The following CEP70 variants were observed in gnomAD, a reference collection of about 807,000 sequenced individuals.
CEP70 encodes the protein centrosomal protein 70.
A neutral mutation model predicts 90.9 loss-of-function variants in CEP70; 70 were observed. The ratio of observed to expected loss-of-function variants is 0.77; its 90% CI spans 0.64 to 0.94. CEP70 has a LOEUF of 0.94. Among genes scored for constraint, CEP70 ranks in the 40% least tolerant of loss-of-function variants. The pLI, the probability that CEP70 is intolerant of heterozygous loss-of-function variation, is 0.00. For synonymous variants in CEP70, 220 were observed against 228.3 expected (o/e 0.96, Z 0.33); for missense variants, 648 against 669.0 (o/e 0.97, Z 0.35).
intron 2 of CEP70, among the ~76,000 whole-genome samples, chr3:138,591,061 T>C (rs1576976126): frequency 1.3e-5 from 2 of 152,156 alleles, no homozygotes; most frequent in Non-Finnish European, 2.9e-5. Context: ...GTAAAGGAAA[T>C]GCTAACCTAA....
intron 6 of CEP70, among the ~76,000 whole-genome samples, chr3:138,545,082 A>G (rs1290027462): frequency 6.6e-6 from 1 of 152,226 alleles, no homozygotes; most frequent in Non-Finnish European, 1.5e-5. Context: ...CAACATAAAA[A>G]AATATAAATA....
At chr3:138,497,105 T>C (rs1447062229) in intron 17 of CEP70, 19 of 1,054,674 alleles carry the variant, frequency 1.8e-5, no homozygotes, top group Middle Eastern at 4.1e-4. Flanking sequence ...TCACTTGCTG[T>C]GATCTTTTTA....
chr3:138,550,449 C>T (rs572021787), intron 6 of CEP70, among the ~76,000 whole-genome samples: 10 of 152,256 alleles, frequency 6.6e-5, no homozygotes, highest in Admixed American at 3.3e-4. Context: ...CTGCAACCTC[C>T]GCCTCCCAGG....
intron 13 of CEP70, among the ~76,000 whole-genome samples, chr3:138,501,964 C>T (rs1317603784): frequency 6.6e-6 from 1 of 152,116 alleles, no homozygotes; most frequent in African/African-American, 2.4e-5. Flanking sequence ...CAAAATACTT[C>T]TAGGCCCAAG....
chr3:138,542,853 T>TA (rs1166050055), intron 6 of CEP70, among the ~76,000 whole-genome samples: 3 of 152,210 alleles, frequency 2.0e-5, no homozygotes, highest in African/African-American at 4.8e-5. Flanking sequence ...GGAGAAGCCT[T>TA]ATTGAGTGAC....
At chr3:138,556,617 C>A (rs144639838) in intron 6 of CEP70, among the ~76,000 whole-genome samples, 3 of 151,392 alleles carry the variant, frequency 2.0e-5, no homozygotes, top group Non-Finnish European at 4.4e-5. Context: ...AAGCATCGTC[C>A]GGGTTGAGAA....
intron 13 of CEP70, among the ~76,000 whole-genome samples, chr3:138,503,394 C>A (rs1360450144): frequency 1.3e-5 from 2 of 152,042 alleles, no homozygotes; most frequent in Non-Finnish European, 2.9e-5. Context: ...TATGTATATA[C>A]CACATTTTGC....
In CEP70 at chr3:138,577,397, C is replaced by A. The variant is rs569819108; in HGVS notation, c.-5-4465G>T. On this transcript the variant is annotated intron_variant, in intron 2 of 17. Coordinates refer to ENST00000264982, the MANE Select transcript of CEP70 (RefSeq NM_024491.4). ...GGCACAATGGCTCATGCCTCTAATCCCAGCACTTTGGGAGGCCAAGGCGGG... is the reference window on the plus strand; with the variant it reads ...GGCACAATGGCTCATGCCTCTAATCACAGCACTTTGGGAGGCCAAGGCGGG... 2.6e-5 allele frequency among the ~76,000 whole-genome samples: 4 copies of A among 152,164 alleles called. No homozygotes were observed. In the South Asian group the frequency reaches 8.3e-4, roughly 32 times the overall value.
intron 6 of CEP70, among the ~76,000 whole-genome samples, chr3:138,540,543 A>G (rs1319400723): frequency 2.0e-5 from 3 of 151,940 alleles, no homozygotes; most frequent in Non-Finnish European, 4.4e-5. Flanking sequence ...CAAAACCACA[A>G]TGAGATACCA....
rs144958660 is a variant in CEP70 at position 138,554,868 on chromosome 3, G to A, written c.465+15450C>T. ...TTTCCCACTCTGTGGGTTGTTTGCT[G>A]ACTGTTCCTTTTGCTGTGCAAATGG... On this transcript the variant is annotated intron_variant, in intron 6 of 17. Transcript: ENST00000264982. Among the ~76,000 whole-genome samples, 161 of 152,286 alleles carry A rather than the reference G, an allele frequency of 1.1e-3. 1 individual carries two copies. The highest frequency in any genetic ancestry group is 3.6e-3 in the African/African-American group (151 of 41,564).
intron 12 of CEP70, among the ~76,000 whole-genome samples, chr3:138,507,416 AACTG>A (rs1261945931): frequency 2.0e-5 from 3 of 152,198 alleles, no homozygotes; most frequent in Non-Finnish European, 2.9e-5. Context: ...TAATTTGAAA[AACTG>A]TTCATCCAGA....
chr3:138,557,809 A>T (rs1400268386), intron 6 of CEP70, among the ~76,000 whole-genome samples: 2 of 152,166 alleles, frequency 1.3e-5, no homozygotes, highest in East Asian at 3.8e-4. Flanking sequence ...GAAATAAAAA[A>T]TTTTTAAAAA....
At chr3:138,593,312 T>C (rs2042479382) in intron 1 of CEP70, among the ~76,000 whole-genome samples, 1 of 152,134 alleles carries the variant, frequency 6.6e-6, no homozygotes, top group South Asian at 2.1e-4. Flanking sequence ...AACCTCCGCC[T>C]CCCGAGTTCA....
At chr3:138,515,817 T>C (rs990981528) in intron 11 of CEP70, among the ~76,000 whole-genome samples, 2 of 152,228 alleles carry the variant, frequency 1.3e-5, no homozygotes, top group African/African-American at 4.8e-5. Context: ...ATTCTCATTA[T>C]TGCCTTCTCT....
chr3:138,504,865 G>A (rs767822454), intron 13 of CEP70, among the ~76,000 whole-genome samples: 1 of 152,000 alleles, frequency 6.6e-6, no homozygotes, highest in African/African-American at 2.4e-5. Context: ...TGAAGAGAGA[G>A]AAAATATCCC....
At chr3:138,527,425 G>A (rs969516396) in intron 10 of CEP70, among the ~76,000 whole-genome samples, 14 of 151,794 alleles carry the variant, frequency 9.2e-5, no homozygotes, top group Admixed American at 2.6e-4. Context: ...GGCCGGGCAC[G>A]GTGGCTCACG....
At chr3:138,537,803 G>T (rs2038412234) in intron 6 of CEP70, among the ~76,000 whole-genome samples, 1 of 152,046 alleles carries the variant, frequency 6.6e-6, no homozygotes, top group African/African-American at 2.4e-5. Context: ...AATAATCAGG[G>T]AGAAAGACAT....
intron 2 of CEP70, among the ~76,000 whole-genome samples, chr3:138,584,018 T>C (rs1220769447): frequency 2.0e-5 from 3 of 151,640 alleles, no homozygotes; most frequent in Non-Finnish European, 2.9e-5. Flanking sequence ...TGTAGAAAAC[T>C]GATAAACCCT....
At chr3:138,496,774 T>A (rs935639097) in intron 17 of CEP70, 1 of 985,346 alleles carries the variant, frequency 1.0e-6, no homozygotes, top group African/African-American at 1.7e-5. Context: ...AACTTCAACT[T>A]TGACCAAATT....
Sources: allele counts gnomAD v4.1 joint callset (sites outside exome capture counted in the v4.1 genomes callset), GRCh38; gene constraint gnomAD v4.1.1; transcripts MANE v1.5; gene names NCBI Gene and HGNC (gene_info 2026-07-23, HGNC 2026-07-21).